Variants in EPS8 observed in about 807,000 individuals in gnomAD.
The protein encoded by EPS8 is EGFR pathway substrate 8, signaling adaptor, also known as epidermal growth factor receptor kinase substrate 8.
Under a neutral mutation model 103.8 loss-of-function variants are expected in EPS8, and 42 were observed. That is an observed-to-expected ratio of 0.40 (90% CI 0.32 to 0.52). EPS8 has a LOEUF of 0.52. Among genes scored for constraint, EPS8 ranks in the 20% least tolerant of loss-of-function variants. The pLI is 0.40. For synonymous variants in EPS8, 344 were observed against 344.6 expected (o/e 1.00, Z 0.02); for missense variants, 969 against 1,005.1 (o/e 0.96, Z 0.49).
At chr12:15,664,317 T>C (rs1945670786) in intron 8 of EPS8, among the ~76,000 whole-genome samples, 1 of 152,090 alleles carries the variant, frequency 6.6e-6, no homozygotes, top group South Asian at 2.1e-4. Context: ...AAGAATTCTT[T>C]TTTTCATATC....
At chr12:15,676,218 C>T (rs1378513100) in intron 3 of EPS8, among the ~76,000 whole-genome samples, 1 of 148,560 alleles carries the variant, frequency 6.7e-6, no homozygotes, top group Non-Finnish European at 1.5e-5. Flanking sequence ...CGAGATTGCG[C>T]CACTGCACTC....
Position 15,725,996 on chromosome 12 carries a change from C to A in EPS8, c.-21-43024G>T, listed in dbSNP as rs1313096675. 3.3e-5 allele frequency among the ~76,000 whole-genome samples: 5 copies of A among 152,042 alleles called. No individual in the cohort carries two copies. The highest frequency in any genetic ancestry group is 5.9e-5 in the Non-Finnish European group (4 of 68,004). On this transcript the variant is annotated intron_variant, in intron 1 of 20. Coordinates refer to ENST00000281172, the MANE Select transcript of EPS8 (RefSeq NM_004447.6). The surrounding 1 kb of genome is among the most constrained non-coding windows in gnomAD (Gnocchi z 4.5). ...CATAAACACTGAACAAAACATAAAT[C>A]TAATAAAAAATCATACTTAAATATA...
At chr12:15,656,036 T>C (rs1032094151) in intron 12 of EPS8, among the ~76,000 whole-genome samples, 40 of 152,318 alleles carry the variant, frequency 2.6e-4, no homozygotes, top group African/African-American at 9.1e-4. Flanking sequence ...TAAACCAATG[T>C]TTTCAGGTAC....
chr12:15,636,073 T>C (rs907293131), intron 17 of EPS8, among the ~76,000 whole-genome samples: 2 of 152,104 alleles, frequency 1.3e-5, no homozygotes, highest in African/African-American at 4.8e-5. Flanking sequence ...ACCTTGCAAA[T>C]TTAAATGGGC....
At chr12:15,641,441 A>T (rs1239826453) in intron 16 of EPS8, among the ~76,000 whole-genome samples, 1 of 152,062 alleles carries the variant, frequency 6.6e-6, no homozygotes, top group Non-Finnish European at 1.5e-5. Context: ...TGACTCCAAA[A>T]TGAATAAATA....
intron 18 of EPS8, among the ~76,000 whole-genome samples, chr12:15,628,495 G>C (rs1212093405): frequency 1.3e-5 from 2 of 152,104 alleles, no homozygotes; most frequent in Non-Finnish European, 2.9e-5. Flanking sequence ...CGAATAAAAG[G>C]ACTACCATTT....
At position 15,640,840 on chromosome 12, in the gene EPS8, C is replaced by CA; in HGVS notation, c.1683dup (p.Asp562Ter). The CA allele has an allele frequency of 6.2e-7, 1 of 1,613,442 alleles. No individual in the cohort carries two copies. The highest frequency in any genetic ancestry group is 8.5e-7 in the Non-Finnish European group (1 of 1,179,730). ...ACTTTCCACCATTGCTTCCGATCAT[C>CA]AAGTATCTGTCATGTACAAGAAAAT... On this transcript the variant is annotated frameshift_variant, in exon 17 of 21. Transcript: ENST00000281172. LOFTEE classifies it high-confidence loss of function.
chr12:15,724,824 C>T (rs180777608), intron 1 of EPS8, among the ~76,000 whole-genome samples: 20 of 152,276 alleles, frequency 1.3e-4, no homozygotes, highest in African/African-American at 4.8e-4. Flanking sequence ...TGTGAGGCCT[C>T]CCCAGCCAAA....
rs1175885412 is a variant in EPS8 at position 15,752,599 on chromosome 12, C to G, written c.-22+36562G>C. Among the ~76,000 whole-genome samples the G allele has an allele frequency of 6.6e-6, 1 of 151,916 alleles. No homozygotes were observed. The highest frequency in any genetic ancestry group is 1.5e-5 in the Non-Finnish European group (1 of 67,990). ...CCAGAGTCAGAAACATTATATTGAG[C>G]CCCCAAATTATCTGAGAAAAAAAAG... On this transcript the variant is annotated intron_variant, in intron 1 of 20. Transcript: ENST00000281172. The surrounding 1 kb of genome is among the most constrained non-coding windows in gnomAD (Gnocchi z 4.4).
At chr12:15,744,003 A>G (rs1167426612) in intron 1 of EPS8, among the ~76,000 whole-genome samples, 1 of 152,202 alleles carries the variant, frequency 6.6e-6, no homozygotes, top group African/African-American at 2.4e-5. Flanking sequence ...AATTTTTACA[A>G]TCTACCCATC....
Position 15,767,968 on chromosome 12 carries a change from C to T in EPS8, c.-22+21193G>A, listed in dbSNP as rs577499726. On this transcript the variant is annotated intron_variant, in intron 1 of 20. Transcript: ENST00000281172. The surrounding 1 kb of genome is among the most constrained non-coding windows in gnomAD (Gnocchi z 5.5). ...AATGTAAAGAAATGTTAAGTATTAC[C>T]TTAGAAACTGGAATTATGCTTTTCT... Among the ~76,000 whole-genome samples, 13 of 152,082 alleles carry T rather than the reference C, an allele frequency of 8.5e-5. No homozygotes were observed. The highest frequency in any genetic ancestry group is 1.6e-4 in the Non-Finnish European group (11 of 68,022).
At chr12:15,663,918 C>A (rs1486788239) in intron 8 of EPS8, among the ~76,000 whole-genome samples, 4 of 9,078 alleles carry the variant, frequency 4.4e-4, no homozygotes, top group African/African-American at 2.7e-4. Context: ...AACACTCCAT[C>A]TCAAAAAAAA....
Position 15,700,234 on chromosome 12 carries a change from A to G in EPS8, c.-21-17262T>C, listed in dbSNP as rs1377056998. Among the ~76,000 whole-genome samples the G allele has an allele frequency of 1.3e-5, 2 of 152,182 alleles. No homozygotes were observed. The highest frequency in any genetic ancestry group is 2.9e-5 in the Non-Finnish European group (2 of 68,032). The stretch of plus-strand genomic sequence containing the variant: ...ATATCTAGTCAATTGGCAATTATTT[A>G]TCATGTTTAATGTTTTTTAATGTGG... On this transcript the variant is annotated intron_variant, in intron 1 of 20. Transcript: ENST00000281172. The surrounding 1 kb of genome is among the most constrained non-coding windows in gnomAD (Gnocchi z 5.1).
chr12:15,719,364 T>C (rs542180701), intron 1 of EPS8, among the ~76,000 whole-genome samples: 1 of 152,304 alleles, frequency 6.6e-6, no homozygotes, highest in South Asian at 2.1e-4. Flanking sequence ...TAAAATGATA[T>C]AGCTTATGTC....
At position 15,747,590 on chromosome 12, in the gene EPS8, C is replaced by A. The variant is rs1349466687; in HGVS notation, c.-22+41571G>T. Reference sequence around the variant, plus strand: ...ATCAAAAAAGTAACTTGGGGGGAGCCCAAAACATATTTTCCTTTCCCTCAG... The same window carrying A: ...ATCAAAAAAGTAACTTGGGGGGAGCACAAAACATATTTTCCTTTCCCTCAG... On this transcript the variant is annotated intron_variant, in intron 1 of 20. Coordinates refer to ENST00000281172, the MANE Select transcript of EPS8 (RefSeq NM_004447.6). This position sits in a 1 kb window ranked among gnomAD's most constrained non-coding sequence, Gnocchi z 4.4. 1.3e-5 allele frequency among the ~76,000 whole-genome samples: 2 copies of A among 152,014 alleles called. No individual in the cohort carries two copies. The highest frequency in any genetic ancestry group is 2.9e-5 in the Non-Finnish European group (2 of 68,008).
rs536705243 is a variant in EPS8, at chr12:15,698,109, A to G, written c.-21-15137T>C. On this transcript the variant is annotated intron_variant, in intron 1 of 20. Coordinates refer to ENST00000281172, the MANE Select transcript of EPS8 (RefSeq NM_004447.6). The surrounding 1 kb of genome is among the most constrained non-coding windows in gnomAD (Gnocchi z 4.9). ...GGGGACATATGAATGATTATGAAAG[A>G]AATATGTATTTTAAAAGGCTTTCTG... Among the ~76,000 whole-genome samples the G allele has an allele frequency of 1.5e-4, 23 of 152,306 alleles. No individual in the cohort carries two copies. The East Asian group carries it at 4.2e-3, about 28-fold the overall frequency.
chr12:15,739,915 T>C (rs1946803119), intron 1 of EPS8, among the ~76,000 whole-genome samples: 5 of 152,106 alleles, frequency 3.3e-5, no homozygotes, highest in Admixed American at 3.3e-4. Flanking sequence ...CTTTAGATAG[T>C]TTTTAATGAG....
intron 1 of EPS8, among the ~76,000 whole-genome samples, chr12:15,694,892 A>G (rs1451211405): frequency 6.6e-6 from 1 of 152,210 alleles, no homozygotes; most frequent in Non-Finnish European, 1.5e-5. Context: ...AGTTCTCAAA[A>G]CCAGCAGTAA....
chr12:15,687,559 C>G (rs1368633251), intron 1 of EPS8, among the ~76,000 whole-genome samples: 1 of 152,084 alleles, frequency 6.6e-6, no homozygotes, highest in South Asian at 2.1e-4. Context: ...ATGATCAAAT[C>G]AGAATGTTGT....
Sources: gnomAD v4.1 joint callset for allele counts (sites outside exome capture counted in the v4.1 genomes callset) on GRCh38, gnomAD v4.1.1 for gene constraint, Gnocchi (gnomAD v3.1) non-coding constraint, MANE v1.5 for transcripts, NCBI Gene and HGNC (gene_info 2026-07-23, HGNC 2026-07-21) for gene names.